The following TOP2B variants were observed in gnomAD, a reference collection of about 807,000 sequenced individuals.
TOP2B encodes the protein DNA topoisomerase 2-beta.
Under a neutral mutation model 193.5 loss-of-function variants are expected in TOP2B, and 51 were observed. That is an observed-to-expected ratio of 0.26 (90% CI 0.21 to 0.33). The LOEUF (loss-of-function observed/expected upper bound fraction) is 0.33. TOP2B is among the 10% of genes least tolerant of loss of function. TOP2B has a pLI of 1.00. For synonymous variants in TOP2B, 634 were observed against 635.7 expected, an observed-to-expected ratio of 1.00 and a Z score of 0.04; for missense variants, 1,378 against 1,909.3, an observed-to-expected ratio of 0.72 and a Z score of 5.19.
chr3:25,636,756 C>A (rs1703117846), intron 6 of TOP2B, among the ~76,000 whole-genome samples: 1 of 151,932 alleles, frequency 6.6e-6, no homozygotes, highest in South Asian at 2.1e-4. Context: ...TTTTAGCTTA[C>A]TTCAACAACG....
chr3:25,663,352 A>G (rs1703975324), intron 1 of TOP2B, among the ~76,000 whole-genome samples: 2 of 152,246 alleles, frequency 1.3e-5, no homozygotes, highest in African/African-American at 4.8e-5. Flanking sequence ...AACACTTTTT[A>G]CTTTTCTCCG....
chr3:25,659,250 G>A (rs1703840098), intron 1 of TOP2B, among the ~76,000 whole-genome samples: 1 of 151,900 alleles, frequency 6.6e-6, no homozygotes, highest in African/African-American at 2.4e-5. Context: ...CACCATTAAT[G>A]AAGCAAAAAG....
chr3:25,628,966 A>G lies in TOP2B; in HGVS notation c.1801-14T>C. 6.3e-7 allele frequency: 1 copy of G among 1,589,026 alleles called. No individual in the cohort carries two copies. Among genetic ancestry groups the G allele is most frequent in the South Asian group, 1.2e-5 (1 of 85,716 alleles). ...ATTTTTGCTTGCCTTAAATTAATTA[A>G]AAAACAAAATTAGTTTTTCTGCTAC... On this transcript the variant is annotated splice_polypyrimidine_tract_variant and intron_variant, in intron 14 of 35. Transcript: ENST00000264331.
intron 25 of TOP2B, chr3:25,615,916 A>G (rs748277082): frequency 4.2e-4 from 72 of 171,668 alleles, no homozygotes; most frequent in African/African-American, 1.6e-3. Context: ...AGTAGAATTA[A>G]TGTTTTATCA....
intron 3 of TOP2B, 69 bp from the exon 4 acceptor site, chr3:25,642,454 T>A: frequency 1.1e-6 from 1 of 879,602 alleles, no homozygotes; most frequent in Non-Finnish European, 1.8e-6. Context: ...CACAACTGTA[T>A]GTGCATCACT....
chr3:25,620,480 CTAACA>C (rs1352391542), intron 22 of TOP2B, among the ~76,000 whole-genome samples, 197 bp downstream of exon 22: 6 of 152,038 alleles, frequency 3.9e-5, no homozygotes, highest in African/African-American at 7.2e-5. Context: ...AAAGCCTTAC[CTAACA>C]TAAGTCATAC....
In TOP2B at chr3:25,615,303, T is replaced by C. The variant is rs1342211987; in HGVS notation, c.3508-15A>G. ...ACCTCTCGCCCCTATAATAAAAAAG[T>C]ACAGTTTAAACATTCAATAGTTTTA... is the stretch of plus-strand genomic sequence containing the variant. On this transcript the variant is annotated splice_polypyrimidine_tract_variant and intron_variant, in intron 26 of 35. Transcript: ENST00000264331. 1 of 1,601,212 alleles carries C rather than the reference T, an allele frequency of 6.2e-7. No individual in the cohort carries two copies. The highest frequency in any genetic ancestry group is 8.5e-7 in the Non-Finnish European group (1 of 1,174,776).
Position 25,636,141 on chromosome 3 carries a change from A to T in TOP2B, c.647T>A (p.Met216Lys), listed in dbSNP as rs746592444. ...TTCAGAAGTCTTCATCATATTATTC[A>T]TCCATGTCTTTAAAAGAAAAAAATT... Reference protein sequence around the residue: ...EYKHSFKQTWMNNMMKTSEAK... With the variant: ...EYKHSFKQTWKNNMMKTSEAK... Residue 216 changes from methionine (M) to lysine (K), a missense_variant, in exon 7 of 36, where the codon ATG becomes AAG. Met to Lys is a moderately conservative substitution (Grantham distance 95, BLOSUM62 -1). Around this residue, in one of 9 missense-constraint regions of TOP2B, gnomAD observed 222 missense variants for 306.6 expected, o/e 0.72. Transcript: ENST00000264331. 8 of 1,574,772 alleles carry T rather than the reference A, an allele frequency of 5.1e-6. No homozygotes were observed. Among genetic ancestry groups the T allele is most frequent in the African/African-American group, 1.4e-5 (1 of 73,772 alleles).
chr3:25,623,757 C>A lies in TOP2B; in HGVS notation c.2496-11G>T. 1 of 1,544,054 alleles carries A rather than the reference C, an allele frequency of 6.5e-7. No individual in the cohort carries two copies. Among genetic ancestry groups the A allele is most frequent in the Admixed American group, 1.8e-5 (1 of 54,388 alleles). ...AGCCTTGCTAAAGTGCTAATGAAAA[C>A]AAAAAGAAGCAAATGAAAAAATGTC... On this transcript the variant is annotated splice_polypyrimidine_tract_variant and intron_variant, in intron 20 of 35. Coordinates refer to ENST00000264331, the MANE Select transcript of TOP2B (RefSeq NM_001330700.2).
At chr3:25,664,154 C>A (rs924086165) in intron 1 of TOP2B, 75 bp downstream of exon 1, 26 of 1,527,770 alleles carry the variant, frequency 1.7e-5, no homozygotes, top group Middle Eastern at 2.0e-4. Context: ...TTCCCCTCCC[C>A]CGCCCGTTCG....
Position 25,626,511 on chromosome 3 carries a change from A to T in TOP2B, c.2224+49T>A, listed in dbSNP as rs548580900. 9.9e-4 allele frequency: 1,055 copies of T among 1,067,432 alleles called. 16 individuals are homozygous for T. In the South Asian group the frequency reaches 0.012, roughly 12 times the overall value. 66.1% of individuals were successfully genotyped at this position (1,067,432 alleles called of 1,614,324 possible). On this transcript the variant is annotated intron_variant, in intron 18 of 35. Transcript: ENST00000264331. ...AGGATGGCTTAAAGTACATGAAATT[A>T]AACTATAGTAAATAACATTAAAAAA... is the stretch of plus-strand genomic sequence containing the variant.
At chr3:25,663,560 A>T (rs1703982847) in intron 1 of TOP2B, among the ~76,000 whole-genome samples, 2 of 152,160 alleles carry the variant, frequency 1.3e-5, no homozygotes, top group South Asian at 4.1e-4. Context: ...TCACCTCTCC[A>T]GGACATCCAT....
intron 21 of TOP2B, among the ~76,000 whole-genome samples, chr3:25,622,356 A>G (rs1464179384): frequency 2.6e-5 from 4 of 152,222 alleles, no homozygotes; most frequent in South Asian, 2.1e-4. Context: ...AAAGCAGAAT[A>G]TATGTCTTAT....
Position 25,649,324 on chromosome 3 carries a change from C to T in TOP2B, c.70-3854G>A, listed in dbSNP as rs114703492. ...AGAAAGGGAGAAATGGAGAAAGAGC[C>T]TATTTGAAGAAATAATAGCTGAAAA... On this transcript the variant is annotated intron_variant, in intron 1 of 35. Transcript: ENST00000264331. 3.0e-3 allele frequency among the ~76,000 whole-genome samples: 456 copies of T among 152,136 alleles called. 3 individuals carry two copies. Among genetic ancestry groups the T allele is most frequent in the African/African-American group, 0.011 (444 of 41,492 alleles).
intron 1 of TOP2B, among the ~76,000 whole-genome samples, chr3:25,663,757 C>T (rs879252626): frequency 3.3e-5 from 5 of 152,144 alleles, no homozygotes; most frequent in Admixed American, 3.3e-4. Context: ...AATCCCAATG[C>T]ATTCTTCTTT....
In TOP2B at chr3:25,654,987, C is replaced by A. The variant is rs372451148; in HGVS notation, c.69+9242G>T. ...AACATAAAGGAAAACCTTTGAGACA[C>A]TGGATTTGGCAATGATTTCATGGAT... On this transcript the variant is annotated intron_variant, in intron 1 of 35. Transcript: ENST00000264331. Among the ~76,000 whole-genome samples the A allele has an allele frequency of 3.9e-5, 6 of 152,276 alleles. No homozygotes were observed. In the East Asian group the frequency reaches 7.7e-4, roughly 20 times the overall value.
chr3:25,660,896 TTAGAGA>T (rs1434180771), intron 1 of TOP2B, among the ~76,000 whole-genome samples: 27 of 152,172 alleles, frequency 1.8e-4, no homozygotes, highest in Non-Finnish European at 2.9e-4. Context: ...GACTTTACTG[TTAGAGA>T]TAAATACTGA....
At chr3:25,654,093 G>C (rs192871653) in intron 1 of TOP2B, among the ~76,000 whole-genome samples, 26 of 152,234 alleles carry the variant, frequency 1.7e-4, no homozygotes, top group African/African-American at 6.3e-4. Flanking sequence ...GATAGTATTA[G>C]AAGTCCTAGT....
intron 1 of TOP2B, among the ~76,000 whole-genome samples, chr3:25,648,152 C>T (rs963891207): frequency 4.6e-5 from 7 of 152,238 alleles, no homozygotes; most frequent in Admixed American, 3.9e-4. Context: ...TAAGTACTGA[C>T]ATTGAACAGG....
Sources: allele counts gnomAD v4.1 joint callset (sites outside exome capture counted in the v4.1 genomes callset), GRCh38; gene constraint gnomAD v4.1.1; regional missense constraint gnomAD v4.1.1; transcripts MANE v1.5; gene names NCBI Gene and HGNC (gene_info 2026-07-23, HGNC 2026-07-21).